ANXA2: variants seen among roughly 807,000 people sequenced by gnomAD.
The protein encoded by ANXA2 is annexin II.
In ANXA2, 28 loss-of-function variants were observed where a neutral mutation model predicts 47.3. That is an observed-to-expected ratio of 0.59 (90% CI 0.44 to 0.81). The LOEUF (loss-of-function observed/expected upper bound fraction) is 0.81, where lower values mean the gene tolerates loss of function less well. Among genes scored for constraint, ANXA2 ranks in the 40% least tolerant of loss-of-function variants. The pLI is 0.00. For missense variants in ANXA2, 384 were observed against 414.3 expected (o/e 0.93, Z 0.64); for synonymous variants, 172 against 155.5 (o/e 1.11, Z -0.79).
In ANXA2 at chr15:60,352,467, C is replaced by G; in HGVS notation, c.598G>C (p.Asp200His). ...LIDQDARDLY[D>H]AGVKRKGTDV... Reference sequence around the variant, plus strand: ...GTTCCTTTCCTCTTCACTCCAGCGTCATAGAGATCCTACGAGTACAACCAA... The same window carrying G: ...GTTCCTTTCCTCTTCACTCCAGCGTGATAGAGATCCTACGAGTACAACCAA... The change falls in exon 9 of 13, where the codon GAC becomes CAC. Residue 200 changes from aspartate (D) to histidine (H), a missense_variant. Asp to His is a moderately conservative substitution (Grantham distance 81). Transcript: ENST00000451270. The surrounding 1 kb of genome is among the most constrained non-coding windows in gnomAD (Gnocchi z 4.2). 1 of 1,613,098 alleles carries G rather than the reference C, an allele frequency of 6.2e-7. No individual in the cohort carries two copies. The highest frequency in any genetic ancestry group is 8.5e-7 in the Non-Finnish European group (1 of 1,179,236).
chr15:60,375,083 C>G (rs1006812896), intron 3 of ANXA2, among the ~76,000 whole-genome samples: 1 of 152,140 alleles, frequency 6.6e-6, no homozygotes, highest in African/African-American at 2.4e-5. Context: ...CAGGTGAAAC[C>G]AAAAATATCC....
In ANXA2 at chr15:60,347,544, G is replaced by T. The variant is rs1031842505; in HGVS notation, c.*86C>A. 8.2e-5 allele frequency: 111 copies of T among 1,350,362 alleles called. 1 individual carries two copies. The Middle Eastern group carries it at 2.9e-3, about 35-fold the overall frequency. The allele number at this position is 1,350,362 out of a possible 1,614,324, so 83.6% of individuals were successfully genotyped here. ...TCACCCTCACAGGGATGGCCACGGG[G>T]ACTGTTATTCGCAAGCTGGTTTTCT... On this transcript the variant is annotated 3_prime_UTR_variant, in exon 13 of 13. Coordinates refer to ENST00000451270, the MANE Select transcript of ANXA2 (RefSeq NM_004039.3).
At chr15:60,386,745 G>C (rs1349354924) in intron 1 of ANXA2, 2 of 152,134 alleles carry the variant, frequency 1.3e-5, no homozygotes, top group Non-Finnish European at 2.9e-5. Context: ...ATACTTAATG[G>C]GGCAGCAAAA....
At chr15:60,382,625 G>T (rs560468698) in intron 2 of ANXA2, 184 bp from the exon 3 acceptor site, 5 of 466,610 alleles carry the variant, frequency 1.1e-5, no homozygotes, top group African/African-American at 9.8e-5. Flanking sequence ...TTTCTAATAA[G>T]AATTCTTCAA....
chr15:60,365,735 A>T (rs1007413458), intron 3 of ANXA2, among the ~76,000 whole-genome samples: 2 of 152,180 alleles, frequency 1.3e-5, no homozygotes, highest in African/African-American at 4.8e-5. Flanking sequence ...AGTCCATACC[A>T]ATATGCTTGC....
At chr15:60,392,940 A>G in intron 1 of ANXA2, 1 of 981,044 alleles carries the variant, frequency 1.0e-6, no homozygotes, top group Non-Finnish European at 1.2e-6. Flanking sequence ...GGAATTTTAA[A>G]CTAAAAAAAA....
intron 2 of ANXA2, among the ~76,000 whole-genome samples, chr15:60,385,172 A>C (rs1457071820): frequency 3.9e-5 from 6 of 152,252 alleles, no homozygotes; most frequent in African/African-American, 1.4e-4. Flanking sequence ...GAAAAAAAGG[A>C]AACAGATGAA....
chr15:60,356,125 C>A, intron 6 of ANXA2, 127 bp from the exon 7 acceptor site: 1 of 677,830 alleles, frequency 1.5e-6, no homozygotes, highest in Non-Finnish European at 2.6e-6. Flanking sequence ...TATCCATTCT[C>A]CTTAACCCCA....
chr15:60,352,077 C>T lies in ANXA2; in HGVS notation c.683-258G>A, dbSNP rs1375125047. Among the ~76,000 whole-genome samples the T allele has an allele frequency of 6.6e-6, 1 of 152,126 alleles. No homozygotes were observed. The highest frequency in any genetic ancestry group is 1.5e-5 in the Non-Finnish European group (1 of 68,024). ...CTATCTCCCCTGAGTGGAACCCATT[C>T]CATCCGAAAACCATAGGAAACAGTA... On this transcript the variant is annotated intron_variant, in intron 9 of 12. Coordinates refer to ENST00000451270, the MANE Select transcript of ANXA2 (RefSeq NM_004039.3). This position sits in a 1 kb window ranked among gnomAD's most constrained non-coding sequence, Gnocchi z 4.2.
chr15:60,349,886 A>AGG, intron 11 of ANXA2, among the ~76,000 whole-genome samples: 1 of 85,070 alleles, frequency 1.2e-5, no homozygotes. Flanking sequence ...GCAAGGAGGC[A>AGG]GGAGAAGGCA....
Position 60,364,533 on chromosome 15 carries a change from T to C in ANXA2, c.149-10A>G, listed in dbSNP as rs2062565560. 6.2e-7 allele frequency: 1 copy of C among 1,602,828 alleles called. No homozygotes were observed. On this transcript the variant is annotated splice_polypyrimidine_tract_variant and intron_variant, in intron 3 of 12. Transcript: ENST00000451270. ...GTGACCTCATCCACACCTATGGAAA[T>C]ACAAGTTGTTAATCGTTACTCAGTA...
intron 3 of ANXA2, among the ~76,000 whole-genome samples, chr15:60,365,929 G>A (rs1473917155): frequency 2.3e-5 from 3 of 133,242 alleles, no homozygotes; most frequent in African/African-American, 5.7e-5. Context: ...CTGCCATCTC[G>A]GCTCACTGCA....
chr15:60,353,193 A>T (rs2062375151), intron 8 of ANXA2, among the ~76,000 whole-genome samples: 1 of 152,244 alleles, frequency 6.6e-6, no homozygotes, highest in South Asian at 2.1e-4. Context: ...TTTATGACTT[A>T]CTTTGAGATA....
At chr15:60,367,090 T>C (rs868164104) in intron 3 of ANXA2, among the ~76,000 whole-genome samples, 600 of 26,382 alleles carry the variant, frequency 0.023, 71 homozygotes, top group Admixed American at 0.03. Flanking sequence ...GCCCCCCGCC[T>C]GGCCAGCCGC....
intron 1 of ANXA2, chr15:60,397,728 G>C (rs12904756): frequency 0.99 from 376,295 of 381,734 alleles, 185,693 homozygotes; most frequent in East Asian, 1. Context: ...CCGGCCCGAG[G>C]GCCGGTGGCC....
rs750931805 is a variant in ANXA2, at chr15:60,354,245, ATTTC to A, written c.529-36_529-33del. 3 of 1,548,288 alleles carry A rather than the reference ATTTC, an allele frequency of 1.9e-6. No homozygotes were observed. The South Asian group carries it at 3.4e-5, about 18-fold the overall frequency. ...GGGAAAGAAAAAGAACTTCAAATAC[ATTTC>A]TTTGTGTATTTTAAAACTGAAAATG... On this transcript the variant is annotated intron_variant, in intron 7 of 12. Transcript: ENST00000451270.
At chr15:60,393,014 T>C (rs1160470780) in intron 1 of ANXA2, 6 of 1,285,488 alleles carry the variant, frequency 4.7e-6, no homozygotes, top group Non-Finnish European at 6.1e-6. Flanking sequence ...TCCACCCACC[T>C]ACTGCATCTT....
At chr15:60,351,374 C>T (rs1896006234) in intron 10 of ANXA2, 123 bp from the exon 11 acceptor site, 3 of 925,976 alleles carry the variant, frequency 3.2e-6, no homozygotes, top group Non-Finnish European at 5.2e-6. Context: ...AAAAGGGCTG[C>T]AAAATAGGAC....
intron 3 of ANXA2, among the ~76,000 whole-genome samples, chr15:60,381,552 C>T (rs1320720511): frequency 6.6e-6 from 1 of 152,134 alleles, no homozygotes; most frequent in Non-Finnish European, 1.5e-5. Context: ...TCAACCCTAA[C>T]CAGTTAGCAC....
Sources: gnomAD v4.1 joint callset for allele counts (sites outside exome capture counted in the v4.1 genomes callset) on GRCh38, gnomAD v4.1.1 for gene constraint, Gnocchi (gnomAD v3.1) non-coding constraint, MANE v1.5 for transcripts, NCBI Gene and HGNC (gene_info 2026-07-23, HGNC 2026-07-21) for gene names.